Variants in SOX6 observed in about 807,000 individuals in gnomAD.
SOX6 encodes transcription factor SOX-6.
A neutral mutation model predicts 97.8 loss-of-function variants in SOX6; 11 were observed. That is an observed-to-expected ratio of 0.11 (90% confidence interval 0.07 to 0.19). The LOEUF (loss-of-function observed/expected upper bound fraction) is 0.19, where lower values mean the gene tolerates loss of function less well. Among genes scored for constraint, SOX6 ranks in the 10% least tolerant of loss-of-function variants. The pLI, the probability that SOX6 is intolerant of heterozygous loss-of-function variation, is 1.00. For missense variants in SOX6, 810 were observed against 1,039.5 expected, an observed-to-expected ratio of 0.78 and a Z score of 3.04; for synonymous variants, 360 against 371.4, an observed-to-expected ratio of 0.97 and a Z score of 0.35.
intron 6 of SOX6, among the ~76,000 whole-genome samples, chr11:16,123,199 C>T (rs1237391466): frequency 1.3e-5 from 2 of 151,718 alleles, no homozygotes; most frequent in African/African-American, 4.8e-5. Context: ...TACAGTTTAC[C>T]AAAGTAATAA....
rs1334530055 is a variant in SOX6, at chr11:16,181,763, C to CAAAGAAA, written c.777+2122_777+2123insTTTCTTT. On this transcript the variant is annotated intron_variant, in intron 6 of 15. Coordinates refer to ENST00000683767, the MANE Select transcript of SOX6 (RefSeq NM_001367873.1). ...GACAGAATGAACTATAAATACAGGT[C>CAAAGAAA]TTATTGCTTTCTCTTATTTTTTAAA... Among the ~76,000 whole-genome samples the CAAAGAAA allele has an allele frequency of 3.3e-5, 5 of 151,724 alleles. No homozygotes were observed. In the East Asian group the frequency reaches 9.7e-4, roughly 29 times the overall value.
At chr11:16,257,818 G>C (rs1853738635) in intron 3 of SOX6, among the ~76,000 whole-genome samples, 1 of 150,600 alleles carries the variant, frequency 6.6e-6, no homozygotes, top group African/African-American at 2.4e-5. Flanking sequence ...TCTGATAAAG[G>C]AATGTTAGCC....
intron 6 of SOX6, among the ~76,000 whole-genome samples, chr11:16,154,789 CATCT>C (rs1241020440): frequency 6.6e-6 from 1 of 152,126 alleles, no homozygotes; most frequent in Admixed American, 6.6e-5. Context: ...AGCACACAGG[CATCT>C]ATCTACCTTG....
At chr11:16,179,682 C>T (rs1440098313) in intron 6 of SOX6, among the ~76,000 whole-genome samples, 1 of 151,972 alleles carries the variant, frequency 6.6e-6, no homozygotes, top group Admixed American at 6.6e-5. Context: ...TCAAGTCTCA[C>T]GATTTTACCC....
intron 6 of SOX6, among the ~76,000 whole-genome samples, chr11:16,175,749 A>G (rs1234423098): frequency 6.6e-6 from 1 of 151,740 alleles, no homozygotes; most frequent in Non-Finnish European, 1.5e-5. Context: ...GGCATCTGAG[A>G]TTTTATTTTC....
At chr11:16,239,892 A>T (rs1853134392) in intron 3 of SOX6, among the ~76,000 whole-genome samples, 1 of 152,124 alleles carries the variant, frequency 6.6e-6, no homozygotes, top group African/African-American at 2.4e-5. Flanking sequence ...ATTACCAAAA[A>T]GATGAGAAAT....
At chr11:16,450,280 A>T (rs116148039) in intron 1 of SOX6, among the ~76,000 whole-genome samples, 81 of 152,346 alleles carry the variant, frequency 5.3e-4, no homozygotes, top group African/African-American at 1.9e-3. Flanking sequence ...AAATTACTCC[A>T]TCACTTACCA....
At chr11:16,361,996 A>G (rs867661432) in intron 1 of SOX6, among the ~76,000 whole-genome samples, 12 of 152,214 alleles carry the variant, frequency 7.9e-5, no homozygotes, top group Non-Finnish European at 1.0e-4. Flanking sequence ...TGGTGAGATC[A>G]GTAGAATTAT....
intron 6 of SOX6, among the ~76,000 whole-genome samples, chr11:16,128,453 C>A (rs1229552698): frequency 6.6e-6 from 1 of 152,098 alleles, no homozygotes; most frequent in South Asian, 2.1e-4. Flanking sequence ...TAATTTTAAA[C>A]ATAAATGCCA....
At chr11:16,505,534 G>GA (rs980625954) in intron 4 of SOX6, among the ~76,000 whole-genome samples, 59 of 151,902 alleles carry the variant, frequency 3.9e-4, no homozygotes, top group Middle Eastern at 3.4e-3. Context: ...TGGTAGAAAA[G>GA]AAAAAAAACA....
intron 12 of SOX6, among the ~76,000 whole-genome samples, chr11:16,039,887 C>T (rs774594135): frequency 9.2e-5 from 14 of 151,710 alleles, no homozygotes; most frequent in Non-Finnish European, 1.9e-4. Flanking sequence ...GTGTAAAAGG[C>T]CCCTGAGACC....
rs773011291 is a variant in SOX6, at chr11:16,270,391, C to T, written c.446-35720G>A. 3.3e-4 allele frequency among the ~76,000 whole-genome samples: 50 copies of T among 151,108 alleles called. 1 individual carries two copies. Among genetic ancestry groups the T allele is most frequent in the Non-Finnish European group, 2.4e-4 (16 of 67,354 alleles). ...GAAAAATTGGAATCCTCCTACATTG[C>T]GGGGGAGGCGAGGAATAAATTGGTG... On this transcript the variant is annotated intron_variant, in intron 3 of 15. Transcript: ENST00000683767.
At chr11:16,269,758 C>T (rs1854194012) in intron 3 of SOX6, among the ~76,000 whole-genome samples, 1 of 150,934 alleles carries the variant, frequency 6.6e-6, no homozygotes, top group Non-Finnish European at 1.5e-5. Flanking sequence ...GTGCTATTTT[C>T]TACAAAAGCT....
intron 3 of SOX6, among the ~76,000 whole-genome samples, chr11:16,296,773 G>A (rs182721138): frequency 6.6e-5 from 10 of 152,170 alleles, no homozygotes; most frequent in African/African-American, 2.4e-4. Flanking sequence ...TAAGTCAAAA[G>A]TACTTAGGTA....
chr11:16,169,986 G>A (rs1393207532), intron 6 of SOX6, among the ~76,000 whole-genome samples: 1 of 151,718 alleles, frequency 6.6e-6, no homozygotes, highest in Non-Finnish European at 1.5e-5. Flanking sequence ...AAATAAAATA[G>A]TTGCTAAGCC....
chr11:16,457,353 A>G (rs974015516), intron 1 of SOX6, among the ~76,000 whole-genome samples: 3 of 152,108 alleles, frequency 2.0e-5, no homozygotes, highest in Non-Finnish European at 4.4e-5. Context: ...AGTTACACTC[A>G]TGTATATTAT....
chr11:16,527,708 T>C (rs765479979), intron 4 of SOX6, among the ~76,000 whole-genome samples: 7 of 152,130 alleles, frequency 4.6e-5, no homozygotes, highest in Admixed American at 4.6e-4. Context: ...TGGCCTCTGT[T>C]TGGAGAACAG....
intron 1 of SOX6, among the ~76,000 whole-genome samples, chr11:16,436,391 T>C (rs1156389540): frequency 6.6e-6 from 1 of 152,102 alleles, no homozygotes; most frequent in African/African-American, 2.4e-5. Context: ...CCTCTCTCGC[T>C]CTTTCCCTCT....
At chr11:16,643,069 T>A (rs942921567) in intron 3 of SOX6, among the ~76,000 whole-genome samples, 2 of 152,210 alleles carry the variant, frequency 1.3e-5, no homozygotes, top group African/African-American at 4.8e-5. Flanking sequence ...TCTTTGATGA[T>A]GGTGACGTAC....
Sources: allele counts gnomAD v4.1 joint callset (sites outside exome capture counted in the v4.1 genomes callset), GRCh38; gene constraint gnomAD v4.1.1; transcripts MANE v1.5; gene names NCBI Gene and HGNC (gene_info 2026-07-23, HGNC 2026-07-21).